The following CCDC30 variants were observed in gnomAD, a reference collection of about 807,000 sequenced individuals.
The protein encoded by CCDC30 is coiled-coil domain-containing protein 30.
CCDC30 carries 70 observed loss-of-function variants against 100.2 expected under a neutral mutation model. That is an observed-to-expected ratio of 0.70 (90% CI 0.58 to 0.85). CCDC30 has a LOEUF of 0.85. CCDC30 is among the 40% of genes least tolerant of loss of function. The pLI is 0.00. For missense variants in CCDC30, 652 were observed against 771.2 expected (o/e 0.85, Z 1.83); for synonymous variants, 233 against 269.5 (o/e 0.86, Z 1.33).
intron 6 of CCDC30, among the ~76,000 whole-genome samples, chr1:42,544,358 CA>C (rs1367119447): frequency 6.6e-6 from 1 of 152,178 alleles, no homozygotes; most frequent in Non-Finnish European, 1.5e-5. Flanking sequence ...TGCCAAATCA[CA>C]AAAGGCAGTG....
intron 6 of CCDC30, among the ~76,000 whole-genome samples, chr1:42,526,375 T>G (rs1460681319): frequency 1.3e-5 from 2 of 152,136 alleles, no homozygotes; most frequent in African/African-American, 4.8e-5. Flanking sequence ...TTCATGTCTA[T>G]TTTTTTGTTG....
intron 11 of CCDC30, among the ~76,000 whole-genome samples, chr1:42,611,487 A>G (rs563966047): frequency 1.2e-3 from 184 of 151,990 alleles, no homozygotes; most frequent in South Asian, 2.5e-3. Context: ...TAATATGTAT[A>G]TTATATAGAT....
At chr1:42,563,117 GAAA>G (rs1645528871) in intron 6 of CCDC30, among the ~76,000 whole-genome samples, 1 of 152,130 alleles carries the variant, frequency 6.6e-6, no homozygotes. Context: ...TATACCCAAA[GAAA>G]TATAAATCAT....
intron 1 of CCDC30, among the ~76,000 whole-genome samples, chr1:42,477,350 C>T (rs1057360173): frequency 1.3e-5 from 2 of 152,078 alleles, no homozygotes; most frequent in Non-Finnish European, 2.9e-5. Flanking sequence ...CTGCCTCAGC[C>T]TCCCTAGTAG....
intron 15 of CCDC30, among the ~76,000 whole-genome samples, chr1:42,651,676 C>A (rs1408026319): frequency 6.6e-6 from 1 of 151,996 alleles, no homozygotes; most frequent in African/African-American, 2.4e-5. Context: ...CCAGCCTGGG[C>A]AACACAGCAA....
intron 10 of CCDC30, among the ~76,000 whole-genome samples, chr1:42,605,139 G>A (rs1021485856): frequency 7.2e-5 from 11 of 152,104 alleles, no homozygotes; most frequent in Middle Eastern, 3.2e-3. Flanking sequence ...AAGCACTGCC[G>A]CTTGACCTCT....
rs141891941 is a variant in CCDC30, at chr1:42,632,036, T to C, written c.1278-5201T>C. Among the ~76,000 whole-genome samples, 660 of 152,280 alleles carry C rather than the reference T, an allele frequency of 4.3e-3. 5 individuals are homozygous for C. The highest frequency in any genetic ancestry group is 0.015 in the African/African-American group (625 of 41,556). ...CCTTTTATTTTTCCCTCCAGTTTTC[T>C]CAAGCAGGAGTTTCACCCTGTAGCC... On this transcript the variant is annotated intron_variant, in intron 11 of 16. Transcript: ENST00000668663.
At chr1:42,528,432 T>C (rs889798768) in intron 6 of CCDC30, among the ~76,000 whole-genome samples, 1 of 152,176 alleles carries the variant, frequency 6.6e-6, no homozygotes, top group Non-Finnish European at 1.5e-5. Context: ...TCAAGAGTTA[T>C]TGAGGGGGCA....
upstream of CCDC30, among the ~76,000 whole-genome samples, chr1:42,458,554 A>C (rs1042382165): frequency 6.6e-6 from 1 of 152,242 alleles, no homozygotes; most frequent in Non-Finnish European, 1.5e-5. Context: ...GGAGACAATA[A>C]ATAAGTCAAA....
chr1:42,545,822 C>A (rs1468100696), intron 6 of CCDC30, among the ~76,000 whole-genome samples: 1 of 151,754 alleles, frequency 6.6e-6, no homozygotes, highest in East Asian at 1.9e-4. Flanking sequence ...TGTGTGTCTG[C>A]AGTCCCACCT....
chr1:42,623,156 C>T (rs1032719818), intron 11 of CCDC30, among the ~76,000 whole-genome samples: 3 of 152,170 alleles, frequency 2.0e-5, no homozygotes, highest in African/African-American at 7.2e-5. Context: ...GGGCATTTTG[C>T]AAATATTTTC....
chr1:42,537,211 G>A (rs1018541136), intron 6 of CCDC30: 22 of 456,182 alleles, frequency 4.8e-5, no homozygotes, highest in Middle Eastern at 3.3e-4. Flanking sequence ...CTTATCGCTC[G>A]TTTTAACTTC....
intron 10 of CCDC30, among the ~76,000 whole-genome samples, chr1:42,610,061 A>G (rs1350586753): frequency 5.3e-5 from 8 of 152,230 alleles, no homozygotes; most frequent in Non-Finnish European, 1.2e-4. Flanking sequence ...TTAAATCCCC[A>G]AGTTGGACAT....
intron 1 of CCDC30, among the ~76,000 whole-genome samples, chr1:42,470,208 T>C (rs1460679967): frequency 6.6e-6 from 1 of 152,096 alleles, no homozygotes; most frequent in Non-Finnish European, 1.5e-5. Context: ...GAGGATGTAA[T>C]GGTCCAGAGA....
At chr1:42,543,434 G>A (rs1645057340) in intron 6 of CCDC30, among the ~76,000 whole-genome samples, 1 of 151,848 alleles carries the variant, frequency 6.6e-6, no homozygotes, top group Non-Finnish European at 1.5e-5. Context: ...TGATTTTCAT[G>A]CCTCAGCCAT....
chr1:42,630,529 C>T (rs1306670292), intron 11 of CCDC30, among the ~76,000 whole-genome samples: 21 of 151,642 alleles, frequency 1.4e-4, no homozygotes, highest in African/African-American at 2.4e-5. Flanking sequence ...ATTATAGGTG[C>T]GTGCCACCAC....
At chr1:42,481,576 C>CAAAAAA in intron 2 of CCDC30, among the ~76,000 whole-genome samples, 1 of 110,640 alleles carries the variant, frequency 9.0e-6, no homozygotes, top group Non-Finnish European at 1.8e-5. Flanking sequence ...AACCCTGTCT[C>CAAAAAA]AAAAAAAAAA....
At chr1:42,526,607 A>G (rs1353745012) in intron 6 of CCDC30, among the ~76,000 whole-genome samples, 1 of 152,128 alleles carries the variant, frequency 6.6e-6, no homozygotes, top group Non-Finnish European at 1.5e-5. Context: ...TGTCCTCTGT[A>G]TCAGAGGGAA....
chr1:42,519,766 G>A (rs1038044330), intron 6 of CCDC30, among the ~76,000 whole-genome samples: 3 of 151,550 alleles, frequency 2.0e-5, no homozygotes, highest in Non-Finnish European at 4.4e-5. Context: ...TGTTGGCCAG[G>A]CTGGTCTCAA....
Sources: gnomAD v4.1 joint callset for allele counts (sites outside exome capture counted in the v4.1 genomes callset) on GRCh38, gnomAD v4.1.1 for gene constraint, MANE v1.5 for transcripts, NCBI Gene and HGNC (gene_info 2026-07-23, HGNC 2026-07-21) for gene names.